Variants in WASHC4 observed in about 807,000 individuals in gnomAD.
WASHC4 encodes WASH complex subunit 4.
In WASHC4, 86 loss-of-function variants were observed where a neutral mutation model predicts 166.6. The observed-to-expected ratio is 0.52, with a 90% confidence interval of 0.43 to 0.62. The LOEUF (loss-of-function observed/expected upper bound fraction) is 0.62, where lower values mean the gene tolerates loss of function less well. WASHC4 is among the 20% of genes least tolerant of loss of function. The pLI is 0.00. For synonymous variants in WASHC4, 446 were observed against 451.6 expected, an observed-to-expected ratio of 0.99 and a Z score of 0.16; for missense variants, 1,262 against 1,382.4, an observed-to-expected ratio of 0.91 and a Z score of 1.38.
chr12:105,166,836 C>G (rs888346999), intron 32 of WASHC4, 28 bp from the exon 33 acceptor site: 1 of 1,442,176 alleles, frequency 6.9e-7, no homozygotes, highest in African/African-American at 1.4e-5. Context: ...ACATAAATAT[C>G]CATTATTATT....
chr12:105,108,583 TAAAC>T (rs1879315752), intron 1 of WASHC4, among the ~76,000 whole-genome samples: 1 of 152,206 alleles, frequency 6.6e-6, no homozygotes, highest in Non-Finnish European at 1.5e-5. Context: ...TATCCCGAAA[TAAAC>T]AAATTGTGTT....
chr12:105,126,098 C>A lies in WASHC4; in HGVS notation c.881C>A (p.Ser294Ter). 1.2e-6 allele frequency: 2 copies of A among 1,612,860 alleles called. No individual in the cohort carries two copies. Among genetic ancestry groups the A allele is most frequent in the South Asian group, 2.2e-5 (2 of 90,968 alleles). ...GAGGAATTTGCACATAGTATTCGGT[C>A]AATTTTTGCAAATGTAGAAGCCAAA... The part of the protein sequence containing the change: ...FAEEFAHSIR[S>*]IFANVEAKLG... Residue 294 changes from serine to a stop codon, truncating the protein, a stop_gained, in exon 11 of 33, where the codon TCA (serine) becomes TAA (stop). Transcript: ENST00000332180. LOFTEE classifies it high-confidence loss of function.
chr12:105,131,784 C>CTT (rs1317441272), intron 13 of WASHC4, among the ~76,000 whole-genome samples: 11 of 152,204 alleles, frequency 7.2e-5, no homozygotes, highest in African/African-American at 2.7e-4. Flanking sequence ...CAGCACCACT[C>CTT]TAAGCAAAGC....
intron 20 of WASHC4, 127 bp from the exon 21 acceptor site, chr12:105,144,160 C>T: frequency 1.4e-6 from 1 of 709,822 alleles, no homozygotes; most frequent in East Asian, 2.7e-5. Context: ...AAAATAAAGA[C>T]TTAGAATTTA....
At chr12:105,160,632 A>G (rs771848927) in intron 29 of WASHC4, among the ~76,000 whole-genome samples, 4 of 152,232 alleles carry the variant, frequency 2.6e-5, no homozygotes, top group Admixed American at 1.3e-4. Flanking sequence ...GATTACAGGC[A>G]TGAGCCACCA....
chr12:105,162,202 T>G (rs113048955), intron 29 of WASHC4, among the ~76,000 whole-genome samples: 32 of 152,314 alleles, frequency 2.1e-4, no homozygotes, highest in African/African-American at 7.2e-4. Flanking sequence ...ATTAGATAAG[T>G]CATTTTGGAA....
intron 26 of WASHC4, among the ~76,000 whole-genome samples, chr12:105,153,736 T>C (rs1883942049): frequency 6.6e-6 from 1 of 152,194 alleles, no homozygotes; most frequent in Non-Finnish European, 1.5e-5. Context: ...GTTACTTAAG[T>C]TTTATTTATA....
rs71069791 is a variant in WASHC4 at position 105,139,425 on chromosome 12, GTATATATATA to G, written c.1453-845_1453-836del. Reference sequence around the variant, plus strand: ...AGACAGACTATATATATGTGTGTGTGTATATATATATATATATATATATATATATATATGC... The same window carrying G: ...AGACAGACTATATATATGTGTGTGTGTATATATATATATATATATATATGC... On this transcript the variant is annotated intron_variant, in intron 15 of 32. Transcript: ENST00000332180. Among the ~76,000 whole-genome samples, 175 of 103,206 alleles carry G rather than the reference GTATATATATA, an allele frequency of 1.7e-3. 6 individuals are homozygous for G. Among genetic ancestry groups the G allele is most frequent in the East Asian group, 5.5e-3 (20 of 3,606 alleles). 67.7% of individuals were successfully genotyped at this position (103,206 alleles called of 152,430 possible). A position where few individuals can be genotyped will look rare whatever the true frequency, so the allele number is the denominator to read the frequency against.
Position 105,122,339 on chromosome 12 carries a change from TTTCTTTAAAAAGTGCTTTGGCTTAAAA to T in WASHC4, c.786+104_786+130del. 3 of 1,295,468 alleles carry T rather than the reference TTTCTTTAAAAAGTGCTTTGGCTTAAAA, an allele frequency of 2.3e-6. No homozygotes were observed. In the South Asian group the frequency reaches 4.0e-5, roughly 17 times the overall value. The allele number at this position is 1,295,468 out of a possible 1,614,324, so 80.2% of individuals were successfully genotyped here. A position where few individuals can be genotyped will look rare whatever the true frequency, so the allele number is the denominator to read the frequency against. ...TTTATAATATACTGTTGAATATAAT[TTTCTTTAAAAAGTGCTTTGGCTTAAAA>T]TTATTGTTACAGTACTAAAATATTT... On this transcript the variant is annotated intron_variant, in intron 10 of 32. Transcript: ENST00000332180.
Position 105,118,429 on chromosome 12 carries a change from C to A in WASHC4, c.436-17C>A, listed in dbSNP as rs1384766470. 4 of 1,558,106 alleles carry A rather than the reference C, an allele frequency of 2.6e-6. No individual in the cohort carries two copies. Among genetic ancestry groups the A allele is most frequent in the Non-Finnish European group, 3.5e-6 (4 of 1,129,222 alleles). On this transcript the variant is annotated splice_polypyrimidine_tract_variant and intron_variant, in intron 6 of 32. Transcript: ENST00000332180. ...TAAAGAGTAACTTTATAATATATAC[C>A]CACCTTCTCGTTTCAGGAACTGTCT...
chr12:105,138,071 A>T (rs1007891169), intron 15 of WASHC4, 60 bp downstream of exon 15: 1 of 1,548,802 alleles, frequency 6.5e-7, no homozygotes, highest in African/African-American at 1.4e-5. Context: ...GGCTTAAATT[A>T]GGATAATCTT....
intron 14 of WASHC4, among the ~76,000 whole-genome samples, chr12:105,137,576 C>G (rs1882434625): frequency 6.6e-6 from 1 of 152,160 alleles, no homozygotes. Context: ...TTCTAACATT[C>G]AAATTGTTTC....
At chr12:105,139,034 C>A (rs1401368856) in intron 15 of WASHC4, among the ~76,000 whole-genome samples, 1 of 151,996 alleles carries the variant, frequency 6.6e-6, no homozygotes, top group Non-Finnish European at 1.5e-5. Flanking sequence ...TTTTAGCTTG[C>A]CAAATATGGA....
chr12:105,121,029 A>T (rs1880690088), intron 8 of WASHC4, 72 bp from the exon 9 acceptor site: 4 of 975,220 alleles, frequency 4.1e-6, no homozygotes, highest in African/African-American at 3.2e-5. Context: ...AAATGATTTT[A>T]CTTTAAACGT....
At chr12:105,114,643 G>A (rs1329427929) in intron 4 of WASHC4, among the ~76,000 whole-genome samples, 1 of 152,008 alleles carries the variant, frequency 6.6e-6, no homozygotes, top group African/African-American at 2.4e-5. Context: ...GGAGGTAGGT[G>A]AGACATTGAT....
At chr12:105,133,680 C>A in intron 13 of WASHC4, 90 bp from the exon 14 acceptor site, 2 of 1,073,812 alleles carry the variant, frequency 1.9e-6, no homozygotes, top group Non-Finnish European at 2.9e-6. Flanking sequence ...GATGAAATGA[C>A]TGCTGCAGGG....
At chr12:105,162,573 A>G (rs963299160) in intron 29 of WASHC4, among the ~76,000 whole-genome samples, 176 bp from the exon 30 acceptor site, 1 of 152,248 alleles carries the variant, frequency 6.6e-6, no homozygotes, top group African/African-American at 2.4e-5. Context: ...TATAGATTGT[A>G]TCTTCACCAA....
At chr12:105,140,020 C>T (rs767546070) in intron 15 of WASHC4, among the ~76,000 whole-genome samples, 12 of 151,654 alleles carry the variant, frequency 7.9e-5, no homozygotes, top group Non-Finnish European at 1.0e-4. Context: ...TACAGGTGTG[C>T]GCCACCATGC....
chr12:105,115,665 A>G lies in WASHC4; in HGVS notation c.372A>G (p.Thr124=). 1.1e-5 allele frequency: 18 copies of G among 1,606,570 alleles called. No individual in the cohort carries two copies. Among genetic ancestry groups the G allele is most frequent in the Non-Finnish European group, 1.5e-5 (18 of 1,173,354 alleles). Residue 124 remains threonine, a synonymous_variant, in exon 6 of 33, where the codon ACA becomes ACG. Coordinates refer to ENST00000332180, the MANE Select transcript of WASHC4 (RefSeq NM_015275.3). The stretch of plus-strand genomic sequence containing the variant: ...TATTCATGTTGCCTTTTACAGCTAC[A>G]GATGCCAGCATGGTGGAAGGTGATT... The part of the protein sequence containing the change: ...NGLLFYGEGA[T]DASMVEGDCQ...
Sources: gnomAD v4.1 joint callset for allele counts (sites outside exome capture counted in the v4.1 genomes callset) on GRCh38, gnomAD v4.1.1 for gene constraint, MANE v1.5 for transcripts, NCBI Gene and HGNC (gene_info 2026-07-23, HGNC 2026-07-21) for gene names.